Variants in ADK observed in about 807,000 individuals in gnomAD.
ADK encodes N6,N6-dimethyladenosine kinase.
ADK carries 24 observed loss-of-function variants against 44.7 expected under a neutral mutation model. The observed-to-expected ratio is 0.54, with a 90% CI of 0.39 to 0.76. The LOEUF (loss-of-function observed/expected upper bound fraction) is 0.76, where lower values mean the gene tolerates loss of function less well. Ranked by LOEUF, ADK falls within the 30% of genes least tolerant of loss-of-function variation. The pLI is 0.00. For synonymous variants in ADK, 128 were observed against 142.6 expected, an observed-to-expected ratio of 0.90 and a Z score of 0.73; for missense variants, 321 against 425.1, an observed-to-expected ratio of 0.76 and a Z score of 2.15.
rs144530756 is a variant in ADK at position 74,603,811 on chromosome 10, T to G, written c.877+3318T>G. 7.6e-3 allele frequency among the ~76,000 whole-genome samples: 1,165 copies of G among 152,344 alleles called. 44 individuals are homozygous for G. The highest frequency in any genetic ancestry group is 0.063 in the Admixed American group (960 of 15,302). On this transcript the variant is annotated intron_variant, in intron 9 of 10. Transcript: ENST00000539909. ...AATGGTATTTCCTGTTCTAGATCCTTGAGGAATCGCCACACTGTTTTCCAC... is the reference window on the plus strand; with the variant it reads ...AATGGTATTTCCTGTTCTAGATCCTGGAGGAATCGCCACACTGTTTTCCAC...
At chr10:74,498,503 TTTCTC>T (rs1264531814) in intron 6 of ADK, among the ~76,000 whole-genome samples, 30 of 152,254 alleles carry the variant, frequency 2.0e-4, no homozygotes, top group African/African-American at 7.2e-4. Context: ...AATCTATCCT[TTTCTC>T]TAATAACTCT....
intron 6 of ADK, among the ~76,000 whole-genome samples, chr10:74,419,522 A>C (rs1422574017): frequency 1.3e-5 from 2 of 152,188 alleles, no homozygotes; most frequent in Non-Finnish European, 2.9e-5. Flanking sequence ...AGAGCCAAGC[A>C]CATTCTATCT....
intron 3 of ADK, among the ~76,000 whole-genome samples, chr10:74,260,246 T>C (rs1845995135): frequency 6.6e-6 from 1 of 152,090 alleles, no homozygotes; most frequent in Non-Finnish European, 1.5e-5. Flanking sequence ...GTAGTAGAAT[T>C]ATAGATTCTT....
At chr10:74,601,030 G>GT (rs1384076175) in intron 9 of ADK, among the ~76,000 whole-genome samples, 2 of 151,756 alleles carry the variant, frequency 1.3e-5, no homozygotes, top group Non-Finnish European at 2.9e-5. Context: ...AAATATAAAT[G>GT]TTTTAATTCT....
intron 9 of ADK, among the ~76,000 whole-genome samples, chr10:74,651,433 TTCAGCTAGTTG>T: frequency 6.6e-6 from 1 of 152,302 alleles, no homozygotes; most frequent in East Asian, 1.9e-4. Context: ...AATTGTCCCA[TTCAGCTAGTTG>T]TAAGCCAAAG....
intron 4 of ADK, among the ~76,000 whole-genome samples, chr10:74,376,890 A>T (rs934923380): frequency 2.3e-4 from 34 of 149,708 alleles, no homozygotes; most frequent in African/African-American, 7.9e-4. Context: ...CATATTTAGT[A>T]TTTGCTGAGA....
intron 4 of ADK, among the ~76,000 whole-genome samples, chr10:74,352,675 T>A (rs1056610706): frequency 2.6e-5 from 4 of 152,200 alleles, no homozygotes; most frequent in African/African-American, 9.6e-5. Flanking sequence ...AATCTATCCA[T>A]CTGACAAAGG....
intron 6 of ADK, among the ~76,000 whole-genome samples, chr10:74,425,688 C>T (rs1020563540): frequency 7.2e-5 from 11 of 152,230 alleles, no homozygotes; most frequent in African/African-American, 2.7e-4. Context: ...AACTGAAGCT[C>T]AATGCACAGG....
chr10:74,676,669 G>A (rs190658640), intron 10 of ADK, among the ~76,000 whole-genome samples: 33 of 152,136 alleles, frequency 2.2e-4, no homozygotes, highest in African/African-American at 7.9e-4. Context: ...CTGTTACCCA[G>A]TCTGGTCTTA....
At chr10:74,191,794 G>GT (rs1842960456) in intron 1 of ADK, among the ~76,000 whole-genome samples, 1 of 152,122 alleles carries the variant, frequency 6.6e-6, no homozygotes. Context: ...TGTATATACT[G>GT]TTTTTAATTG....
In ADK at chr10:74,500,744, A is replaced by G. The variant is rs189463868; in HGVS notation, c.556-24512A>G. Among the ~76,000 whole-genome samples the G allele has an allele frequency of 4.6e-5, 7 of 152,324 alleles. No individual in the cohort carries two copies. The East Asian group carries it at 1.3e-3, about 29-fold the overall frequency. On this transcript the variant is annotated intron_variant, in intron 6 of 10. Transcript: ENST00000539909. ...GGAGCAAGTGAGAAACTGGTTTGAA[A>G]TGTTTGCTATCTAGTGTCAAGGGCT...
intron 3 of ADK, among the ~76,000 whole-genome samples, chr10:74,264,649 A>G (rs1846152526): frequency 1.3e-5 from 2 of 152,154 alleles, no homozygotes; most frequent in South Asian, 2.1e-4. Context: ...CACATTATCA[A>G]TTTTTAAAAA....
At chr10:74,425,580 C>A (rs1051329549) in intron 6 of ADK, among the ~76,000 whole-genome samples, 1 of 151,994 alleles carries the variant, frequency 6.6e-6, no homozygotes. Context: ...TTTCACGATA[C>A]CAGCCTGAAG....
At chr10:74,654,821 GAA>G (rs11354070) in intron 9 of ADK, 1,469 of 136,752 alleles carry the variant, frequency 0.011, 27 homozygotes, top group African/African-American at 0.035. Context: ...TGTCTCAATA[GAA>G]AAAAAAAAAA....
chr10:74,365,209 A>G (rs1005579847), intron 4 of ADK, among the ~76,000 whole-genome samples: 2 of 149,152 alleles, frequency 1.3e-5, no homozygotes, highest in Admixed American at 1.3e-4. Context: ...CCACAACCAT[A>G]ATTTCTAAAT....
At position 74,405,610 on chromosome 10, in the gene ADK, T is replaced by G. The variant is rs138013307; in HGVS notation, c.555+7031T>G. On this transcript the variant is annotated intron_variant, in intron 6 of 10. Transcript: ENST00000539909. ...TAGGGGTGCAAATCCTATTTTGAAC[T>G]GCACAAGCGAGGGATCTAGGTTGTA... Among the ~76,000 whole-genome samples the G allele has an allele frequency of 5.9e-5, 9 of 152,274 alleles. No homozygotes were observed. The East Asian group carries it at 1.7e-3, about 29-fold the overall frequency.
intron 10 of ADK, among the ~76,000 whole-genome samples, chr10:74,698,265 A>C (rs79319897): frequency 2.6e-5 from 4 of 152,232 alleles, no homozygotes; most frequent in Admixed American, 2.6e-4. Flanking sequence ...CAACTGCCTC[A>C]GCATATGAGT....
chr10:74,433,196 G>A (rs1331065540), intron 6 of ADK, among the ~76,000 whole-genome samples: 2 of 152,126 alleles, frequency 1.3e-5, no homozygotes, highest in Non-Finnish European at 2.9e-5. Context: ...CATTCATTAA[G>A]AAATTTACAT....
intron 9 of ADK, among the ~76,000 whole-genome samples, chr10:74,626,234 C>G (rs549962415): frequency 1.1e-4 from 16 of 152,032 alleles, no homozygotes; most frequent in Middle Eastern, 3.4e-3. Flanking sequence ...GTTTAAGGGT[C>G]CAGAAATCAA....
Sources: gnomAD v4.1 joint callset for allele counts (sites outside exome capture counted in the v4.1 genomes callset) on GRCh38, gnomAD v4.1.1 for gene constraint, MANE v1.5 for transcripts, NCBI Gene and HGNC (gene_info 2026-07-23, HGNC 2026-07-21) for gene names.